DLGAP4: variants seen among roughly 807,000 people sequenced by gnomAD.
The protein encoded by DLGAP4 is DLG associated protein 4, also known as disks large-associated protein 4.
DLGAP4 carries 18 observed loss-of-function variants against 86.9 expected under a neutral mutation model. That is an observed-to-expected ratio of 0.21 (90% CI 0.14 to 0.31). The LOEUF (loss-of-function observed/expected upper bound fraction) is 0.31, where lower values mean the gene tolerates loss of function less well. DLGAP4 is among the 10% of genes least tolerant of loss of function. The probability of loss-of-function intolerance (pLI) is 1.00; values close to 1 mark genes in which losing one functional copy is unlikely to be tolerated. For missense variants in DLGAP4, 1,085 were observed against 1,362.6 expected (o/e 0.80, Z 3.21); for synonymous variants, 548 against 574.3 (o/e 0.95, Z 0.65).
intron 2 of DLGAP4, among the ~76,000 whole-genome samples, chr20:36,408,496 G>T (rs555362104): frequency 1.2e-4 from 19 of 152,216 alleles, no homozygotes; most frequent in Non-Finnish European, 2.2e-4. Context: ...AGCTGAGCTT[G>T]TTCCTGCAGG....
At chr20:36,417,742 G>A (rs937501908) in intron 2 of DLGAP4, among the ~76,000 whole-genome samples, 3 of 147,746 alleles carry the variant, frequency 2.0e-5, no homozygotes, top group Non-Finnish European at 4.5e-5. Flanking sequence ...TGGGTGAAGC[G>A]ATCCCATTTG....
In DLGAP4 at chr20:36,432,796, T is replaced by C; in HGVS notation, c.999+80T>C. 1 of 1,528,886 alleles carries C rather than the reference T, an allele frequency of 6.5e-7. No individual in the cohort carries two copies. Among genetic ancestry groups the C allele is most frequent in the African/African-American group, 1.4e-5 (1 of 73,320 alleles). 94.7% of individuals were successfully genotyped at this position (1,528,886 alleles called of 1,614,324 possible). ...TTTGAGGCCTAGACGTACCACAGAT[T>C]CACTTGGAAAGTCACTTCATTCTGG... On this transcript the variant is annotated intron_variant, in intron 3 of 12. Transcript: ENST00000339266. This position sits in a 1 kb window ranked among gnomAD's most constrained non-coding sequence, Gnocchi z 6.5.
intron 7 of DLGAP4, among the ~76,000 whole-genome samples, chr20:36,459,693 C>T (rs1215226029): frequency 2.6e-5 from 4 of 152,224 alleles, no homozygotes; most frequent in Admixed American, 1.3e-4. Flanking sequence ...CCGCAACCTC[C>T]GCTTCCCAGG....
rs1449974427 is a variant in DLGAP4, at chr20:36,472,927, G to A, written c.1649-23778G>A. Among the ~76,000 whole-genome samples, 5 of 152,280 alleles carry A rather than the reference G, an allele frequency of 3.3e-5. No homozygotes were observed. In the South Asian group the frequency reaches 6.2e-4, roughly 19 times the overall value. ...TGGGTGGGGCCCCGCAGGGAGAGGCGCCAGGCTACAGACAGGCAGTGGCGT... is the reference window on the plus strand; with the variant it reads ...TGGGTGGGGCCCCGCAGGGAGAGGCACCAGGCTACAGACAGGCAGTGGCGT... On this transcript the variant is annotated intron_variant, in intron 7 of 12. Transcript: ENST00000339266.
intron 2 of DLGAP4, among the ~76,000 whole-genome samples, chr20:36,380,246 C>CAAAAA: frequency 8.0e-6 from 1 of 124,510 alleles, no homozygotes; most frequent in Middle Eastern, 4.3e-3. Context: ...ACAAAAAATA[C>CAAAAA]AAAAAAAAAA....
intron 1 of DLGAP4, among the ~76,000 whole-genome samples, chr20:36,313,899 A>G (rs2065074362): frequency 6.6e-6 from 1 of 152,096 alleles, no homozygotes; most frequent in Non-Finnish European, 1.5e-5. Context: ...CCCCATCGGA[A>G]CAGCAAGAGT....
At chr20:36,411,124 G>A (rs753941439) in intron 2 of DLGAP4, among the ~76,000 whole-genome samples, 3 of 152,102 alleles carry the variant, frequency 2.0e-5, no homozygotes, top group Non-Finnish European at 2.9e-5. Flanking sequence ...CAAGTAGCTG[G>A]GACTACAGGC....
chr20:36,493,717 G>T (rs778392892), intron 7 of DLGAP4, among the ~76,000 whole-genome samples: 1 of 152,232 alleles, frequency 6.6e-6, no homozygotes, highest in Non-Finnish European at 1.5e-5. Context: ...GAGTGAGGTG[G>T]CTGTGCCGTG....
At chr20:36,436,834 G>C (rs574342975) in intron 4 of DLGAP4, among the ~76,000 whole-genome samples, 5 of 149,328 alleles carry the variant, frequency 3.3e-5, no homozygotes, top group African/African-American at 1.2e-4. Flanking sequence ...AAAAAAGAAA[G>C]AAAGAAAAAG....
At chr20:36,367,499 A>T (rs1312654476) in intron 2 of DLGAP4, among the ~76,000 whole-genome samples, 1 of 152,186 alleles carries the variant, frequency 6.6e-6, no homozygotes, top group Non-Finnish European at 1.5e-5. Flanking sequence ...TTTCCAGAGG[A>T]GTCAGCCTCA....
intron 7 of DLGAP4, among the ~76,000 whole-genome samples, chr20:36,493,546 C>T (rs2035757623): frequency 6.6e-6 from 1 of 152,212 alleles, no homozygotes; most frequent in South Asian, 2.1e-4. Flanking sequence ...CGTCGAGGCC[C>T]TTTCTACTCC....
intron 2 of DLGAP4, among the ~76,000 whole-genome samples, chr20:36,368,479 T>G (rs2030783246): frequency 6.6e-6 from 1 of 152,252 alleles, no homozygotes; most frequent in Admixed American, 6.5e-5. Context: ...AACAAGGAGC[T>G]GCCCGCTGGG....
chr20:36,464,290 C>T (rs1012608365), intron 7 of DLGAP4, among the ~76,000 whole-genome samples: 4 of 152,250 alleles, frequency 2.6e-5, no homozygotes, highest in Non-Finnish European at 4.4e-5. Flanking sequence ...GTGTGAGCAG[C>T]GGCTCACTCC....
chr20:36,359,768 T>C (rs945675352), intron 1 of DLGAP4, among the ~76,000 whole-genome samples: 1 of 152,172 alleles, frequency 6.6e-6, no homozygotes, highest in African/African-American at 2.4e-5. Flanking sequence ...TATCAGAACA[T>C]TGCCGGAGGG....
At chr20:36,428,098 A>G (rs911766600) in intron 2 of DLGAP4, among the ~76,000 whole-genome samples, 13 of 152,184 alleles carry the variant, frequency 8.5e-5, no homozygotes, top group African/African-American at 3.1e-4. Context: ...GTCCAACTCA[A>G]AAAGGTGGAA....
chr20:36,497,669 C>T, intron 8 of DLGAP4: 3 of 982,952 alleles, frequency 3.1e-6, no homozygotes, highest in Non-Finnish European at 3.6e-6. Flanking sequence ...TGCCTCCCTC[C>T]ATGGGATAGG....
chr20:36,464,211 A>T (rs2034235963), intron 7 of DLGAP4, among the ~76,000 whole-genome samples: 1 of 152,122 alleles, frequency 6.6e-6, no homozygotes, highest in Non-Finnish European at 1.5e-5. Flanking sequence ...CAGCTTCCTA[A>T]TCCATAAAAT....
intron 2 of DLGAP4, among the ~76,000 whole-genome samples, chr20:36,384,625 G>A (rs951735746): frequency 6.6e-6 from 1 of 152,138 alleles, no homozygotes; most frequent in Non-Finnish European, 1.5e-5. Context: ...CTAATGGGTG[G>A]GACAGGGCTT....
chr20:36,362,811 G>T (rs906292402), intron 1 of DLGAP4, among the ~76,000 whole-genome samples: 1 of 152,186 alleles, frequency 6.6e-6, no homozygotes, highest in Non-Finnish European at 1.5e-5. Context: ...GCAGGGACAG[G>T]CTCAGGGAAT....
Sources: allele counts gnomAD v4.1 joint callset (sites outside exome capture counted in the v4.1 genomes callset), GRCh38; gene constraint gnomAD v4.1.1; non-coding constraint Gnocchi (gnomAD v3.1); transcripts MANE v1.5; gene names NCBI Gene and HGNC (gene_info 2026-07-23, HGNC 2026-07-21).